Variants in CEP20 observed in about 807,000 individuals in gnomAD.
CEP20 encodes FGFR1OP N-terminal like.
In CEP20, 18 loss-of-function variants were observed where a neutral mutation model predicts 20.0. The observed-to-expected ratio is 0.90, with a 90% confidence interval of 0.62 to 1.34. The LOEUF (loss-of-function observed/expected upper bound fraction) is 1.34. CEP20 is among the 40% of genes most tolerant of loss of function. CEP20 has a pLI of 0.00. For synonymous variants in CEP20, 77 were observed against 73.7 expected (o/e 1.04, Z -0.23); for missense variants, 215 against 201.6 (o/e 1.07, Z -0.40).
chr16:15,883,453 G>A (rs2045159881), intron 2 of CEP20, among the ~76,000 whole-genome samples: 1 of 152,016 alleles, frequency 6.6e-6, no homozygotes, highest in Non-Finnish European at 1.5e-5. Context: ...CAGAGCACAT[G>A]GGCTCACATG....
intron 4 of CEP20, among the ~76,000 whole-genome samples, chr16:15,873,241 C>T (rs2044864440): frequency 6.6e-6 from 1 of 152,082 alleles, no homozygotes; most frequent in Admixed American, 6.6e-5. Flanking sequence ...TTGTGCCTAG[C>T]CCAGAGTTTT....
chr16:15,887,929 T>C lies in CEP20; in HGVS notation c.28+629A>G, dbSNP rs529855537. 2.2e-4 allele frequency among the ~76,000 whole-genome samples: 34 copies of C among 151,534 alleles called. 1 individual carries two copies. Among genetic ancestry groups the C allele is most frequent in the African/African-American group, 6.5e-4 (27 of 41,308 alleles). Reference sequence around the variant, plus strand: ...CCCGTGTCTACAAAAAATACAAAAATTAGCCGGGCGTAGTGAAGAGCCCCT... The same window carrying C: ...CCCGTGTCTACAAAAAATACAAAAACTAGCCGGGCGTAGTGAAGAGCCCCT... On this transcript the variant is annotated intron_variant, in intron 1 of 4. Transcript: ENST00000255759.
intron 2 of CEP20, among the ~76,000 whole-genome samples, chr16:15,880,873 A>G (rs1248589330): frequency 6.6e-6 from 1 of 151,878 alleles, no homozygotes; most frequent in Non-Finnish European, 1.5e-5. Context: ...TGCACTCCTT[A>G]TGAGAATCTA....
At chr16:15,876,676 T>C (rs888085537) in intron 3 of CEP20, among the ~76,000 whole-genome samples, 3 of 152,190 alleles carry the variant, frequency 2.0e-5, no homozygotes, top group Non-Finnish European at 2.9e-5. Context: ...TGGTTTCAGA[T>C]GCAGCACTGC....
intron 3 of CEP20, among the ~76,000 whole-genome samples, chr16:15,876,065 T>TC (rs1234713469): frequency 3.3e-4 from 42 of 128,462 alleles, no homozygotes; most frequent in Non-Finnish European, 5.1e-4. Context: ...GTCATTGCAC[T>TC]CAAAAAAAAA....
rs557126932 is a variant in CEP20 at position 15,866,441 on chromosome 16, T to C, written c.*999A>G. Reference sequence around the variant, plus strand: ...AGGAGCTGTCTATCATCATAGTCAGTTGTTTTCAATGAAATGAGCCTGTGG... The same window carrying C: ...AGGAGCTGTCTATCATCATAGTCAGCTGTTTTCAATGAAATGAGCCTGTGG... On this transcript the variant is annotated 3_prime_UTR_variant, in exon 5 of 5. Coordinates refer to ENST00000255759, the MANE Select transcript of CEP20 (RefSeq NM_144600.4). The C allele has an allele frequency of 6.6e-6, 1 of 152,346 alleles. No individual in the cohort carries two copies. Among genetic ancestry groups the C allele is most frequent in the East Asian group, 1.9e-4 (1 of 5,186 alleles). The allele number at this position is 152,346 out of a possible 1,614,324, so 9.4% of individuals were successfully genotyped here. A position where few individuals can be genotyped will look rare whatever the true frequency, so the allele number is the denominator to read the frequency against.
intron 2 of CEP20, among the ~76,000 whole-genome samples, chr16:15,883,423 G>A (rs903651827): frequency 2.0e-5 from 3 of 152,000 alleles, no homozygotes; most frequent in African/African-American, 7.2e-5. Context: ...GCAGTGATGC[G>A]ATCATGGCTC....
rs560766047 is a variant in CEP20 at position 15,884,366 on chromosome 16, C to T, written c.29-161G>A. Among the ~76,000 whole-genome samples the T allele has an allele frequency of 2.0e-5, 3 of 152,270 alleles. No homozygotes were observed. In the East Asian group the frequency reaches 5.8e-4, roughly 29 times the overall value. On this transcript the variant is annotated intron_variant, in intron 1 of 4. Transcript: ENST00000255759. Reference sequence around the variant, plus strand: ...AAATTATTAAACAATTACACTACCACCAGCCATGTTTATACTAAAACATAT... The same window carrying T: ...AAATTATTAAACAATTACACTACCATCAGCCATGTTTATACTAAAACATAT...
chr16:15,888,571 T>G lies in CEP20; in HGVS notation c.15A>C (p.Ala5=). 6.2e-7 allele frequency: 1 copy of G among 1,614,166 alleles called. No homozygotes were observed. The highest frequency in any genetic ancestry group is 2.2e-5 in the East Asian group (1 of 44,864). ...GCTCGCACTCACCAGCCTTCAACTCTGCCACAGTCGCCATTTTTCAACGGC... is the reference window on the plus strand; with the variant it reads ...GCTCGCACTCACCAGCCTTCAACTCGGCCACAGTCGCCATTTTTCAACGGC... MATV[A]ELKAVLKDTL... Residue 5 remains alanine (A), a synonymous_variant, in exon 1 of 5, where the codon GCA becomes GCC. Transcript: ENST00000255759.
At chr16:15,883,908 G>A in intron 2 of CEP20, 100 bp downstream of exon 2, 10 of 993,462 alleles carry the variant, frequency 1.0e-5, no homozygotes, top group Non-Finnish European at 1.5e-5. Context: ...CACCCAGATG[G>A]CACTATCTGG....
chr16:15,884,313 A>C (rs1299576077), intron 1 of CEP20, 108 bp from the exon 2 acceptor site: 13 of 936,758 alleles, frequency 1.4e-5, no homozygotes, highest in Non-Finnish European at 1.7e-5. Context: ...AACAGCTCTC[A>C]AGCAGCTCTT....
intron 4 of CEP20, among the ~76,000 whole-genome samples, chr16:15,871,376 G>A (rs1427167139): frequency 6.6e-6 from 1 of 152,026 alleles, no homozygotes; most frequent in African/African-American, 2.4e-5. Flanking sequence ...GAAGAATTGA[G>A]GAGTTAGGGA....
chr16:15,875,750 T>C (rs917578266), intron 3 of CEP20, among the ~76,000 whole-genome samples: 10 of 152,114 alleles, frequency 6.6e-5, no homozygotes, highest in African/African-American at 2.4e-4. Context: ...ATGGCAAGGG[T>C]TGACCTAACA....
chr16:15,883,557 G>A (rs1183022162), intron 2 of CEP20, among the ~76,000 whole-genome samples: 2 of 152,048 alleles, frequency 1.3e-5, no homozygotes, highest in Admixed American at 1.3e-4. Context: ...TTCCAGAGAT[G>A]GGGTCTCCCT....
intron 3 of CEP20, among the ~76,000 whole-genome samples, chr16:15,875,883 G>A (rs931989944): frequency 2.1e-4 from 32 of 152,120 alleles, no homozygotes; most frequent in African/African-American, 6.5e-4. Context: ...AGGATCACCT[G>A]AGGTCGGGAG....
At chr16:15,884,380 A>C (rs527914681) in intron 1 of CEP20, among the ~76,000 whole-genome samples, 175 bp from the exon 2 acceptor site, 1 of 152,370 alleles carries the variant, frequency 6.6e-6, no homozygotes, top group East Asian at 1.9e-4. Flanking sequence ...CCATGTTTAT[A>C]CTAAAACATA....
intron 4 of CEP20, among the ~76,000 whole-genome samples, chr16:15,873,132 G>A (rs2044861292): frequency 6.6e-6 from 1 of 151,266 alleles, no homozygotes; most frequent in Admixed American, 6.6e-5. Context: ...AAATAGAGAT[G>A]GGGTTTCACC....
chr16:15,872,948 C>T (rs980294998), intron 4 of CEP20, among the ~76,000 whole-genome samples: 9 of 151,780 alleles, frequency 5.9e-5, no homozygotes, highest in Non-Finnish European at 1.3e-4. Flanking sequence ...GCAATCTTAC[C>T]TTTTATTTTG....
At chr16:15,882,311 G>C (rs1008979845) in intron 2 of CEP20, among the ~76,000 whole-genome samples, 1 of 152,164 alleles carries the variant, frequency 6.6e-6, no homozygotes, top group African/African-American at 2.4e-5. Context: ...GGAGGCCGAG[G>C]AGGGCGGATC....
Sources: allele counts gnomAD v4.1 joint callset (sites outside exome capture counted in the v4.1 genomes callset), GRCh38; gene constraint gnomAD v4.1.1; transcripts MANE v1.5; gene names NCBI Gene and HGNC (gene_info 2026-07-23, HGNC 2026-07-21).